RIIAD1: variants seen among roughly 807,000 people sequenced by gnomAD.
The protein encoded by RIIAD1 is regulatory subunit of type II PKA R-subunit domain containing 1, also known as RIIa domain-containing protein 1.
Under a neutral mutation model 13.3 loss-of-function variants are expected in RIIAD1, and 15 were observed. The ratio of observed to expected loss-of-function variants is 1.13; its 90% CI spans 0.76 to 1.74. The LOEUF (loss-of-function observed/expected upper bound fraction) is 1.74, where lower values mean the gene tolerates loss of function less well. RIIAD1 is among the 40% of genes most tolerant of loss of function. The pLI, the probability that RIIAD1 is intolerant of heterozygous loss-of-function variation, is 0.00. For synonymous variants in RIIAD1, 50 were observed against 43.3 expected (o/e 1.16, Z -0.61); for missense variants, 121 against 112.2 (o/e 1.08, Z -0.35).
At chr1:151,724,758 G>A (rs1249096368) in intron 2 of RIIAD1, among the ~76,000 whole-genome samples, 1 of 152,094 alleles carries the variant, frequency 6.6e-6, no homozygotes, top group Non-Finnish European at 1.5e-5. Flanking sequence ...CTCAGGTTTT[G>A]TGCTGCAGAT....
chr1:151,716,051 A>G lies in RIIAD1; in HGVS notation c.21+1522A>G, dbSNP rs760035220. 6 of 1,584,372 alleles carry G rather than the reference A, an allele frequency of 3.8e-6. No homozygotes were observed. In the African/African-American group the frequency reaches 6.7e-5, roughly 18 times the overall value. Reference sequence around the variant, plus strand: ...CGGCCCAGGAGGAGGGGCCGAGGGGAGCAGGGAGAGGCCCAAAGGCCAAGG... The same window carrying G: ...CGGCCCAGGAGGAGGGGCCGAGGGGGGCAGGGAGAGGCCCAAAGGCCAAGG... On this transcript the variant is annotated intron_variant, in intron 4 of 8. Transcript: ENST00000326413.
chr1:151,713,772 G>A lies in RIIAD1; in HGVS notation c.-90+208G>A, dbSNP rs764188718. Among the ~76,000 whole-genome samples, 148 of 152,312 alleles carry A rather than the reference G, an allele frequency of 9.7e-4. 3 individuals are homozygous for A. Among genetic ancestry groups the A allele is most frequent in the Middle Eastern group, 6.8e-3 (2 of 294 alleles). On this transcript the variant is annotated intron_variant, in intron 3 of 8. Transcript: ENST00000326413. ...CTGACTGGGATAAGATCTTTGGTGGGCGTGGGGGTTTGGGTGGATTTGCCG... is the reference window on the plus strand; with the variant it reads ...CTGACTGGGATAAGATCTTTGGTGGACGTGGGGGTTTGGGTGGATTTGCCG...
intron 4 of RIIAD1, chr1:151,715,759 T>A: frequency 2.5e-6 from 4 of 1,596,834 alleles, no homozygotes; most frequent in Non-Finnish European, 3.4e-6. Context: ...TCCTCAGGCC[T>A]GAACTCTTCT....
chr1:151,716,806 C>T (rs751344864), upstream of RIIAD1: 19 of 466,148 alleles, frequency 4.1e-5, no homozygotes, highest in Middle Eastern at 6.5e-4. Flanking sequence ...CAAAAACCTC[C>T]CCCCTCCACA....
chr1:151,727,332 C>T (rs563746890), intron 2 of RIIAD1, among the ~76,000 whole-genome samples: 150 of 152,326 alleles, frequency 9.8e-4, no homozygotes, highest in African/African-American at 3.6e-3. Context: ...TGCAGCACAG[C>T]TCTTTCTCGA....
chr1:151,722,849 C>T (rs1398042823), intron 2 of RIIAD1, among the ~76,000 whole-genome samples: 3 of 152,172 alleles, frequency 2.0e-5, no homozygotes, highest in African/African-American at 7.2e-5. Context: ...GTTCTCAGTG[C>T]CCACGCAGTG....
At chr1:151,716,812 C>T (rs1206510634), upstream of RIIAD1, 7 of 464,422 alleles carry the variant, frequency 1.5e-5, no homozygotes, top group Non-Finnish European at 3.1e-5. Context: ...CCTCCCCCCT[C>T]CACACCCCCC....
At chr1:151,723,184 C>T (rs578189321) in intron 2 of RIIAD1, among the ~76,000 whole-genome samples, 1 of 152,164 alleles carries the variant, frequency 6.6e-6, no homozygotes, top group East Asian at 1.9e-4. Context: ...CACCTGAGGT[C>T]GGGAGTTCGA....
upstream of RIIAD1, among the ~76,000 whole-genome samples, chr1:151,717,137 G>A (rs1307077789): frequency 6.6e-6 from 1 of 152,160 alleles, no homozygotes; most frequent in Non-Finnish European, 1.5e-5. Flanking sequence ...AGCAGATGGG[G>A]GGTGGCGGGG....
chr1:151,715,716 A>C (rs1673424162), intron 4 of RIIAD1: 1 of 1,563,170 alleles, frequency 6.4e-7, no homozygotes, highest in Non-Finnish European at 8.6e-7. Flanking sequence ...TGATCACTCT[A>C]GCTGAGTTCT....
chr1:151,725,702 T>C (rs558851113), intron 2 of RIIAD1, among the ~76,000 whole-genome samples: 1 of 152,380 alleles, frequency 6.6e-6, no homozygotes, highest in East Asian at 1.9e-4. Flanking sequence ...TTTTACACTA[T>C]GTGCTCTTTT....
At chr1:151,727,165 T>C (rs939896402) in intron 2 of RIIAD1, among the ~76,000 whole-genome samples, 2 of 152,150 alleles carry the variant, frequency 1.3e-5, no homozygotes, top group Non-Finnish European at 2.9e-5. Context: ...TAGTCCCAGC[T>C]AGTCGAGAGG....
At chr1:151,728,557 G>T in intron 3 of RIIAD1, 1 of 538,438 alleles carries the variant, frequency 1.9e-6, no homozygotes, top group East Asian at 3.2e-5. Context: ...CCCTTCCTGG[G>T]AATGTTGGAG....
chr1:151,712,543 G>C (rs1673112763), intron 2 of RIIAD1, among the ~76,000 whole-genome samples: 1 of 152,170 alleles, frequency 6.6e-6, no homozygotes, highest in African/African-American at 2.4e-5. Context: ...GGGTGAAGGG[G>C]GAAGAGCTGG....
chr1:151,712,116 C>G (rs1673076804), intron 2 of RIIAD1: 1 of 152,258 alleles, frequency 6.6e-6, no homozygotes, highest in Non-Finnish European at 1.5e-5. Flanking sequence ...TAGCTCAGCT[C>G]AGACACACCT....
At chr1:151,725,379 G>A (rs1271425906) in intron 2 of RIIAD1, among the ~76,000 whole-genome samples, 1 of 152,068 alleles carries the variant, frequency 6.6e-6, no homozygotes, top group Admixed American at 6.6e-5. Context: ...CAAAGTGCTG[G>A]GATTACAAAT....
intron 2 of RIIAD1, among the ~76,000 whole-genome samples, chr1:151,723,079 G>A (rs993038325): frequency 2.6e-5 from 4 of 152,216 alleles, no homozygotes; most frequent in Non-Finnish European, 4.4e-5. Context: ...ATAGCCAGAG[G>A]TGGGCCCTCC....
At chr1:151,716,892 C>A (rs997269520), upstream of RIIAD1, 2 of 422,274 alleles carry the variant, frequency 4.7e-6, no homozygotes, top group Non-Finnish European at 1.0e-5. Context: ...AAATTCTCTA[C>A]CCTGGAGAGG....
intron 2 of RIIAD1, among the ~76,000 whole-genome samples, chr1:151,724,793 T>C (rs1008440671): frequency 6.9e-6 from 1 of 144,806 alleles, no homozygotes; most frequent in Non-Finnish European, 1.5e-5. Context: ...GGTATGAAAT[T>C]GTAGAAAGTA....
Sources: allele counts gnomAD v4.1 joint callset (sites outside exome capture counted in the v4.1 genomes callset), GRCh38; gene constraint gnomAD v4.1.1; transcripts MANE v1.5; gene names NCBI Gene and HGNC (gene_info 2026-07-23, HGNC 2026-07-21).